Variants in POFUT3 observed in about 807,000 individuals in gnomAD.
The protein encoded by POFUT3 is protein O-fucosyltransferase 3.
the POFUT3 span, among the ~76,000 whole-genome samples, chr8:33,427,579 C>CA: frequency 1.3e-5 from 2 of 149,986 alleles, no homozygotes; most frequent in Admixed American, 6.7e-5. Flanking sequence ...AACTCCGTCT[C>CA]AAAAAAAAGC....
At chr8:33,434,289 A>C in the POFUT3 span, among the ~76,000 whole-genome samples, 1 of 152,174 alleles carries the variant, frequency 6.6e-6, no homozygotes, top group Non-Finnish European at 1.5e-5. Flanking sequence ...GTTGCCCTGC[A>C]GCAGGTCCAC....
At chr8:33,346,296 G>A in the POFUT3 span, among the ~76,000 whole-genome samples, 45 of 152,212 alleles carry the variant, frequency 3.0e-4, no homozygotes, top group Non-Finnish European at 5.1e-4. Flanking sequence ...TATTATCTGA[G>A]GGTTTGGTTT....
chr8:33,455,696 G>C, the POFUT3 span: 1 of 414,386 alleles, frequency 2.4e-6, no homozygotes, highest in Non-Finnish European at 4.8e-6. Context: ...TGTGTTAACT[G>C]CTCCACCAGT....
At chr8:33,472,916 G>A in the POFUT3 span, 1 of 152,316 alleles carries the variant, frequency 6.6e-6, no homozygotes, top group Non-Finnish European at 1.5e-5. Flanking sequence ...GCTCGGTACA[G>A]AGAGGGAGTT....
the POFUT3 span, among the ~76,000 whole-genome samples, chr8:33,373,547 A>G: frequency 1.3e-5 from 2 of 151,776 alleles, no homozygotes; most frequent in African/African-American, 4.8e-5. Context: ...CCTTGATTCC[A>G]CTTCTGATCC....
At chr8:33,334,737 C>T in the POFUT3 span, among the ~76,000 whole-genome samples, 4 of 152,148 alleles carry the variant, frequency 2.6e-5, no homozygotes, top group Non-Finnish European at 5.9e-5. Flanking sequence ...GCAAACAGAA[C>T]CAGCCTCTGT....
chr8:33,374,559 G>A, the POFUT3 span, among the ~76,000 whole-genome samples: 1 of 152,120 alleles, frequency 6.6e-6, no homozygotes, highest in African/African-American at 2.4e-5. Context: ...GGCCAAATAT[G>A]ACTAAAGAGA....
At chr8:33,468,102 T>C in the POFUT3 span, among the ~76,000 whole-genome samples, 1 of 152,078 alleles carries the variant, frequency 6.6e-6, no homozygotes, top group South Asian at 2.1e-4. Context: ...CAGCCAGGTG[T>C]GGTGCCAGGC....
the POFUT3 span, among the ~76,000 whole-genome samples, chr8:33,455,175 A>G: frequency 1.3e-5 from 2 of 152,300 alleles, no homozygotes; most frequent in African/African-American, 4.8e-5. Context: ...CCTAGAGTCT[A>G]TGTTACCAAC....
At chr8:33,390,612 T>C in the POFUT3 span, among the ~76,000 whole-genome samples, 2 of 138,296 alleles carry the variant, frequency 1.4e-5, no homozygotes, top group East Asian at 3.9e-4. Flanking sequence ...AGAAGATAGA[T>C]TTTTTTAATC....
chr8:33,364,930 A>G, the POFUT3 span, among the ~76,000 whole-genome samples: 1 of 152,330 alleles, frequency 6.6e-6, no homozygotes, highest in East Asian at 1.9e-4. Context: ...ATATGGAACC[A>G]AAAAAGAGCC....
the POFUT3 span, among the ~76,000 whole-genome samples, chr8:33,455,207 G>C: frequency 6.6e-6 from 1 of 152,060 alleles, no homozygotes; most frequent in Non-Finnish European, 1.5e-5. Context: ...TGAGTACTGG[G>C]CTTCCACTTA....
chr8:33,372,116 T>C, the POFUT3 span: 5 of 983,904 alleles, frequency 5.1e-6, no homozygotes, highest in Non-Finnish European at 6.0e-6. Context: ...CTTACATCCC[T>C]GGAAACCAAC....
the POFUT3 span, among the ~76,000 whole-genome samples, chr8:33,415,853 G>T: frequency 1.3e-5 from 2 of 152,298 alleles, no homozygotes; most frequent in South Asian, 4.1e-4. Context: ...AGGGAAAAAA[G>T]CGGGTTTAAT....
At chr8:33,462,021 G>A in the POFUT3 span, among the ~76,000 whole-genome samples, 2 of 150,794 alleles carry the variant, frequency 1.3e-5, no homozygotes, top group African/African-American at 4.9e-5. Context: ...TTAGTTGGGC[G>A]TGGTGGCACG....
At chr8:33,373,623 CATG>C in the POFUT3 span, among the ~76,000 whole-genome samples, 2 of 151,518 alleles carry the variant, frequency 1.3e-5, no homozygotes, top group African/African-American at 4.9e-5. Flanking sequence ...AAATGGCCTA[CATG>C]TTCAGGATTT....
chr8:33,445,176 T>C, the POFUT3 span, among the ~76,000 whole-genome samples: 2 of 152,112 alleles, frequency 1.3e-5, no homozygotes, highest in African/African-American at 4.8e-5. Context: ...TCAAGCAATC[T>C]GCCTGCCTTG....
At chr8:33,360,392 G>C in the POFUT3 span, among the ~76,000 whole-genome samples, 1 of 151,952 alleles carries the variant, frequency 6.6e-6, no homozygotes, top group Non-Finnish European at 1.5e-5. Flanking sequence ...CTTGCAGTGA[G>C]CCGAGATGGT....
chr8:33,422,410 TG>T, the POFUT3 span, among the ~76,000 whole-genome samples: 1 of 151,376 alleles, frequency 6.6e-6, no homozygotes, highest in Non-Finnish European at 1.5e-5. Context: ...GGTGTGGTGG[TG>T]GGGGGTGCCT....
Sources: gnomAD v4.1 joint callset for allele counts (sites outside exome capture counted in the v4.1 genomes callset) on GRCh38, gnomAD v4.1.1 for gene constraint, MANE v1.5 for transcripts, NCBI Gene and HGNC (gene_info 2026-07-23, HGNC 2026-07-21) for gene names.